Variants in CLN5 observed in about 807,000 individuals in gnomAD.
The protein encoded by CLN5 is bis(monoacylglycero)phosphate synthase CLN5.
CLN5 carries 34 observed loss-of-function variants against 36.7 expected under a neutral mutation model. That is an observed-to-expected ratio of 0.93 (90% CI 0.71 to 1.23). The LOEUF (loss-of-function observed/expected upper bound fraction) is 1.23, where lower values mean the gene tolerates loss of function less well. Among genes scored for constraint, CLN5 ranks in the 50% most tolerant of loss-of-function variants. CLN5 has a pLI of 0.00. For synonymous variants in CLN5, 151 were observed against 155.1 expected, an observed-to-expected ratio of 0.97 and a Z score of 0.20; for missense variants, 427 against 439.4, an observed-to-expected ratio of 0.97 and a Z score of 0.25.
intron 1 of CLN5, 105 bp downstream of exon 1, chr13:76,992,376 A>G: frequency 7.7e-7 from 1 of 1,292,026 alleles, no homozygotes; most frequent in South Asian, 1.5e-5. Context: ...GTGTCGGGTC[A>G]CGAGATGGTG....
At chr13:76,992,687 G>A in intron 1 of CLN5, 1 of 215,980 alleles carries the variant, frequency 4.6e-6, no homozygotes, top group South Asian at 7.2e-5. Context: ...TTTACTGGGC[G>A]ACCAACTCGC....
chr13:76,994,759 T>C (rs2034236291), intron 1 of CLN5: 3 of 271,546 alleles, frequency 1.1e-5, no homozygotes, highest in African/African-American at 6.7e-5. Flanking sequence ...CTGTAAACAT[T>C]TGCAAATGTC....
Position 77,001,039 on chromosome 13 carries a change from T to C in CLN5, c.*70T>C. The C allele has an allele frequency of 7.2e-7, 1 of 1,388,730 alleles. No individual in the cohort carries two copies. The highest frequency in any genetic ancestry group is 1.4e-5 in the African/African-American group (1 of 69,308). 86.0% of individuals were successfully genotyped at this position (1,388,730 alleles called of 1,614,324 possible). ...TGTTTTTCAGGGGGTGATTTTACTT[T>C]TGTGAATTCCTTAGCCTTTCTTCCT... On this transcript the variant is annotated 3_prime_UTR_variant, in exon 4 of 4. Transcript: ENST00000377453.
chr13:77,001,804 G>T lies in CLN5; in HGVS notation c.*835G>T, dbSNP rs938367905. 12 of 152,216 alleles carry T rather than the reference G, an allele frequency of 7.9e-5. No homozygotes were observed. Among genetic ancestry groups the T allele is most frequent in the African/African-American group, 2.9e-4 (12 of 41,454 alleles). 9.4% of individuals were successfully genotyped at this position (152,216 alleles called of 1,614,324 possible). On this transcript the variant is annotated 3_prime_UTR_variant, in exon 4 of 4. Transcript: ENST00000377453. ...AAGCTGATAGCATAGTGCTTCAGCG[G>T]TTCTTCTAACCGGGGTATGCAGGAA... is the stretch of plus-strand genomic sequence containing the variant.
rs398124228 is a variant in CLN5, at chr13:77,000,653, C to T, written c.761C>T (p.Thr254Ile). 1.9e-6 allele frequency: 3 copies of T among 1,613,872 alleles called. No homozygotes were observed. Among genetic ancestry groups the T allele is most frequent in the Non-Finnish European group, 2.5e-6 (3 of 1,179,948 alleles). Residue 254 changes from threonine to isoleucine, a missense_variant, in exon 4 of 4, where the codon ACC becomes ATC. Physicochemically the swap from Thr to Ile is moderately conservative, Grantham distance 89. Coordinates refer to ENST00000377453, the MANE Select transcript of CLN5 (RefSeq NM_006493.4). Reference protein sequence around the residue: ...EFGAEFKNIETNYTRIFLYSG... With the variant: ...EFGAEFKNIEINYTRIFLYSG... Reference sequence around the variant, plus strand: ...GGAGCAGAGTTCAAGAACATAGAAACCAACTATACAAGAATATTTCTTTAC... The same window carrying T: ...GGAGCAGAGTTCAAGAACATAGAAATCAACTATACAAGAATATTTCTTTAC...
intron 3 of CLN5, chr13:76,998,769 G>A (rs536221521): frequency 1.3e-5 from 2 of 152,278 alleles, no homozygotes; most frequent in Admixed American, 6.5e-5. Flanking sequence ...TCTGTTAGCC[G>A]AATGCACCAT....
Position 76,996,286 on chromosome 13 carries a change from C to T in CLN5, c.565+159C>T, listed in dbSNP as rs925149327. Reference sequence around the variant, plus strand: ...TAAACTTTGGGAATTTTTTTCATCTCTTATTTGTATTTTTTATTTATTTTA... The same window carrying T: ...TAAACTTTGGGAATTTTTTTCATCTTTTATTTGTATTTTTTATTTATTTTA... On this transcript the variant is annotated intron_variant, in intron 3 of 3. Transcript: ENST00000377453. 2.4e-5 allele frequency: 15 copies of T among 635,542 alleles called. No individual in the cohort carries two copies. In the African/African-American group the frequency reaches 2.6e-4, roughly 11 times the overall value. 39.4% of individuals were successfully genotyped at this position (635,542 alleles called of 1,614,324 possible).
chr13:76,999,207 C>T (rs2034317749), intron 3 of CLN5: 2 of 152,156 alleles, frequency 1.3e-5, no homozygotes, highest in Non-Finnish European at 2.9e-5. Context: ...AAGGCAGTCA[C>T]TCTATTCATT....
At chr13:76,997,607 C>A (rs1440164053) in intron 3 of CLN5, 1 of 152,212 alleles carries the variant, frequency 6.6e-6, no homozygotes, top group Admixed American at 6.5e-5. Flanking sequence ...TGTGCAGAAG[C>A]TTTTTAGTTT....
At chr13:76,999,174 A>G (rs1385182182) in intron 3 of CLN5, 5 of 152,322 alleles carry the variant, frequency 3.3e-5, no homozygotes, top group East Asian at 1.9e-4. Flanking sequence ...CTGTTCTACA[A>G]TTTTAATTCC....
chr13:76,998,942 A>G (rs1334232468), intron 3 of CLN5: 2 of 152,254 alleles, frequency 1.3e-5, no homozygotes, highest in African/African-American at 4.8e-5. Context: ...CTTCTGACAT[A>G]AAGTCAATGA....
At position 76,992,269 on chromosome 13, in the gene CLN5, C is replaced by G. The variant is rs547991726; in HGVS notation, c.171C>G (p.Tyr57Ter). Reference protein sequence around the residue: ...IPSRRHWPVPYKRFDFRPKPD... With the variant: ...IPSRRHWPVP ...CCCGGCGCCACTGGCCGGTGCCCTA[C>G]AAGTGAGTGCGGCGGCGCGCGCACT... The change falls in exon 1 of 4, where the codon TAC becomes TAG. Residue 57 changes from tyrosine to a stop codon, truncating the protein, a stop_gained and splice_region_variant. Transcript: ENST00000377453. LOFTEE classifies it high-confidence loss of function. The G allele has an allele frequency of 6.4e-7, 1 of 1,565,410 alleles. No individual in the cohort carries two copies. The highest frequency in any genetic ancestry group is 1.1e-5 in the South Asian group (1 of 87,088).
chr13:76,995,361 T>A, intron 2 of CLN5, 133 bp downstream of exon 2: 1 of 821,588 alleles, frequency 1.2e-6, no homozygotes, highest in South Asian at 1.4e-5. Context: ...ACATTTAAAA[T>A]GAGTAGTCAA....
In CLN5 at chr13:76,998,418, GAAGT is replaced by G. The variant is rs527374360; in HGVS notation, c.566-2036_566-2033del. ...GGAGACAATATACCATAGCATTTGA[GAAGT>G]AAGGAGCTTGTCCATATGATTTATG... On this transcript the variant is annotated intron_variant, in intron 3 of 3. Transcript: ENST00000377453. 1.2e-3 allele frequency: 182 copies of G among 152,274 alleles called. 1 individual carries two copies. The highest frequency in any genetic ancestry group is 3.7e-3 in the African/African-American group (152 of 41,558). 9.4% of individuals were successfully genotyped at this position (152,274 alleles called of 1,614,324 possible).
At chr13:76,996,332 A>C (rs1367201099) in intron 3 of CLN5, 1 of 552,540 alleles carries the variant, frequency 1.8e-6, no homozygotes, top group African/African-American at 1.9e-5. Flanking sequence ...TTTGTGGGGA[A>C]CTGGTTATGT....
At chr13:77,000,266 TCCC>T (rs879601738) in intron 3 of CLN5, 189 bp from the exon 4 acceptor site, 135 of 491,184 alleles carry the variant, frequency 2.7e-4, no homozygotes, top group Non-Finnish European at 4.4e-4. Context: ...GCGCCTGTAG[TCCC>T]AGCTACTCAG....
In CLN5 at chr13:77,004,131, C is replaced by A. The variant is rs2034409202; in HGVS notation, c.*3162C>A. On this transcript the variant is annotated 3_prime_UTR_variant, in exon 4 of 4. Transcript: ENST00000377453. Reference sequence around the variant, plus strand: ...GAAACCTACTAACTTTATTTGGAACCCTCAATATTGGTGGCTCCTTAAAAA... The same window carrying A: ...GAAACCTACTAACTTTATTTGGAACACTCAATATTGGTGGCTCCTTAAAAA... 6.6e-6 allele frequency: 1 copy of A among 152,032 alleles called. No individual in the cohort carries two copies. The highest frequency in any genetic ancestry group is 1.5e-5 in the Non-Finnish European group (1 of 68,022). 9.4% of individuals were successfully genotyped at this position (152,032 alleles called of 1,614,324 possible).
chr13:77,000,788 T>C lies in CLN5; in HGVS notation c.896T>C (p.Leu299Ser). ...KRFYYPFKPH[L>S]PTKEFLLSLL... Reference sequence around the variant, plus strand: ...TTTTATTACCCCTTCAAACCACATTTGCCAACTAAAGAATTTCTGTTGAGT... The same window carrying C: ...TTTTATTACCCCTTCAAACCACATTCGCCAACTAAAGAATTTCTGTTGAGT... The change falls in exon 4 of 4, where the codon TTG (leucine) becomes TCG (serine). Residue 299 changes from leucine (L) to serine (S), a missense_variant. Transcript: ENST00000377453. 1 of 1,612,896 alleles carries C rather than the reference T, an allele frequency of 6.2e-7. No individual in the cohort carries two copies. Among genetic ancestry groups the C allele is most frequent in the South Asian group, 1.1e-5 (1 of 90,656 alleles).
Position 77,001,098 on chromosome 13 carries a change from T to TTCTGCTGATG in CLN5, c.*130_*131insCTGCTGATGT. ...AAAGTTAAAATGCACATCAGCAGAATTGCTGCATATTAACATCTCAGGACT... is the reference window on the plus strand; with the variant it reads ...AAAGTTAAAATGCACATCAGCAGAATTCTGCTGATGTGCTGCATATTAACATCTCAGGACT... On this transcript the variant is annotated 3_prime_UTR_variant, in exon 4 of 4. Transcript: ENST00000377453. 1.3e-6 allele frequency: 1 copy of TTCTGCTGATG among 769,510 alleles called. No individual in the cohort carries two copies. The highest frequency in any genetic ancestry group is 2.1e-6 in the Non-Finnish European group (1 of 478,118). 47.7% of individuals were successfully genotyped at this position (769,510 alleles called of 1,614,324 possible).
Sources: allele counts gnomAD v4.1 joint callset, GRCh38; gene constraint gnomAD v4.1.1; transcripts MANE v1.5; gene names NCBI Gene and HGNC (gene_info 2026-07-23, HGNC 2026-07-21).